Variants in FGF5 observed in about 807,000 individuals in gnomAD.
The protein encoded by FGF5 is fibroblast growth factor 5.
FGF5 carries 23 observed loss-of-function variants against 21.8 expected under a neutral mutation model. The observed-to-expected ratio is 1.05, with a 90% CI of 0.76 to 1.49. The LOEUF is 1.49. FGF5 is among the 40% of genes most tolerant of loss of function. FGF5 has a pLI of 0.00. For missense variants in FGF5, 352 were observed against 332.9 expected (o/e 1.06, Z -0.45); for synonymous variants, 158 against 124.0 (o/e 1.27, Z -1.82).
At chr4:80,276,397 G>T (rs1049843235) in intron 2 of FGF5, among the ~76,000 whole-genome samples, 2 of 152,096 alleles carry the variant, frequency 1.3e-5, no homozygotes, top group Non-Finnish European at 2.9e-5. Context: ...GCAAGATGTA[G>T]TATAATATTC....
At chr4:80,270,579 A>T (rs932859958) in intron 1 of FGF5, among the ~76,000 whole-genome samples, 27 of 152,218 alleles carry the variant, frequency 1.8e-4, no homozygotes, top group African/African-American at 5.1e-4. Context: ...AATACTGTGG[A>T]AAAATGAAGA....
In FGF5 at chr4:80,274,919, A is replaced by T; in HGVS notation, c.366A>T (p.Glu122Asp). 1 of 1,543,878 alleles carries T rather than the reference A, an allele frequency of 6.5e-7. No individual in the cohort carries two copies. Among genetic ancestry groups the T allele is most frequent in the East Asian group, 2.3e-5 (1 of 43,944 alleles). Reference sequence around the variant, plus strand: ...TTTCTGTCATCCTAGGTGTTTTGGAAATATTTGCTGTGTCTCAGGGGATTG... The same window carrying T: ...TTTCTGTCATCCTAGGTGTTTTGGATATATTTGCTGTGTCTCAGGGGATTG... Reference protein sequence around the residue: ...SHEANMLSVLEIFAVSQGIVG... With the variant: ...SHEANMLSVLDIFAVSQGIVG... Residue 122 changes from glutamate (E) to aspartate (D), a missense_variant, in exon 2 of 3, where the codon GAA (glutamate) becomes GAT (aspartate). By Grantham distance (45) the Glu-to-Asp change is conservative. Coordinates refer to ENST00000312465, the MANE Select transcript of FGF5 (RefSeq NM_004464.4).
At chr4:80,275,219 C>T (rs1484366559) in intron 2 of FGF5, among the ~76,000 whole-genome samples, 1 of 151,880 alleles carries the variant, frequency 6.6e-6, no homozygotes, top group Non-Finnish European at 1.5e-5. Flanking sequence ...ATTACAGAGT[C>T]TACAAAAAGT....
At chr4:80,285,885 T>C (rs982804) in intron 2 of FGF5, among the ~76,000 whole-genome samples, 89,040 of 152,100 alleles carry the variant, frequency 0.59, 29,161 homozygotes, top group African/African-American at 0.88. Flanking sequence ...AATTTTGACC[T>C]CATTTCTGTG....
chr4:80,267,007 C>G lies in FGF5; in HGVS notation c.183C>G (p.Ser61=), dbSNP rs373927639. The change falls in exon 1 of 3, where the codon TCC becomes TCG. Residue 61 remains serine, a synonymous_variant. Coordinates refer to ENST00000312465, the MANE Select transcript of FGF5 (RefSeq NM_004464.4). ...SSAMSSSSAS[S]SPAASLGSQG... ...CTATGTCTTCCTCTTCTGCCTCCTC[C>G]TCCCCCGCAGCTTCTCTGGGCAGCC... The G allele has an allele frequency of 2.2e-5, 36 of 1,614,122 alleles. No homozygotes were observed. Among genetic ancestry groups the G allele is most frequent in the Non-Finnish European group, 3.0e-5 (35 of 1,180,052 alleles).
intron 1 of FGF5, among the ~76,000 whole-genome samples, chr4:80,269,604 C>A (rs1720211351): frequency 6.6e-6 from 1 of 152,162 alleles, no homozygotes; most frequent in Admixed American, 6.5e-5. Flanking sequence ...ACAGTGCCGA[C>A]AAAAAGCTTA....
intron 2 of FGF5, among the ~76,000 whole-genome samples, chr4:80,277,046 T>C (rs903665782): frequency 1.3e-5 from 2 of 152,056 alleles, no homozygotes; most frequent in Non-Finnish European, 2.9e-5. Context: ...GAAAGTAACA[T>C]ATTACAAATG....
chr4:80,273,653 G>T (rs1208152765), intron 1 of FGF5, among the ~76,000 whole-genome samples: 1 of 152,052 alleles, frequency 6.6e-6, no homozygotes, highest in East Asian at 1.9e-4. Context: ...TGGAAATATT[G>T]AGATGTTCTT....
At chr4:80,278,381 C>T (rs1720472157) in intron 2 of FGF5, among the ~76,000 whole-genome samples, 1 of 151,996 alleles carries the variant, frequency 6.6e-6, no homozygotes, top group Admixed American at 6.6e-5. Flanking sequence ...GGTGTTTCCC[C>T]CATCTACTCC....
intron 1 of FGF5, among the ~76,000 whole-genome samples, chr4:80,270,548 T>C (rs566678848): frequency 6.6e-6 from 1 of 152,354 alleles, no homozygotes; most frequent in East Asian, 1.9e-4. Context: ...GCTCATTGTA[T>C]ATAAATCCTT....
chr4:80,277,062 C>T (rs1157039774), intron 2 of FGF5, among the ~76,000 whole-genome samples: 2 of 151,934 alleles, frequency 1.3e-5, no homozygotes, highest in Non-Finnish European at 2.9e-5. Flanking sequence ...AAATGGAAGC[C>T]AATTAGAAAG....
At chr4:80,268,024 T>C (rs2109915531) in intron 1 of FGF5, among the ~76,000 whole-genome samples, 1 of 152,270 alleles carries the variant, frequency 6.6e-6, no homozygotes, top group South Asian at 2.1e-4. Flanking sequence ...GAGGTTAAAT[T>C]TGGTAGGGGT....
At position 80,289,861 on chromosome 4, in the gene FGF5, A is replaced by G. The variant is rs1218317071; in HGVS notation, c.*3189A>G. 2.0e-5 allele frequency: 3 copies of G among 152,174 alleles called. No individual in the cohort carries two copies. The highest frequency in any genetic ancestry group is 7.2e-5 in the African/African-American group (3 of 41,468). 9.4% of individuals were successfully genotyped at this position (152,174 alleles called of 1,614,324 possible). On this transcript the variant is annotated 3_prime_UTR_variant, in exon 3 of 3. Coordinates refer to ENST00000312465, the MANE Select transcript of FGF5 (RefSeq NM_004464.4). ...CCAAGTTTGTGTATATATTATAAAA[A>G]TTACATATATAAAACTAAGGCTTTT...
At chr4:80,281,625 C>A (rs1177978534) in intron 2 of FGF5, among the ~76,000 whole-genome samples, 2 of 152,088 alleles carry the variant, frequency 1.3e-5, no homozygotes, top group Non-Finnish European at 2.9e-5. Flanking sequence ...ATATTTAGTT[C>A]TGTAGTTGCA....
At chr4:80,266,626 C>G (rs1471340232), upstream of FGF5, 3 of 584,730 alleles carry the variant, frequency 5.1e-6, no homozygotes, top group Admixed American at 6.5e-5. Context: ...AGTGAGATCA[C>G]TGGCGTTATA....
At chr4:80,271,822 A>T (rs962005799) in intron 1 of FGF5, among the ~76,000 whole-genome samples, 10 of 152,168 alleles carry the variant, frequency 6.6e-5, no homozygotes, top group Non-Finnish European at 8.8e-5. Flanking sequence ...TACTGAAATT[A>T]AAAAAAATCA....
intron 2 of FGF5, among the ~76,000 whole-genome samples, chr4:80,279,750 C>T (rs547043462): frequency 6.6e-6 from 1 of 152,300 alleles, no homozygotes; most frequent in East Asian, 1.9e-4. Context: ...GCAGAAAGCT[C>T]ATTGCTAATT....
At position 80,286,479 on chromosome 4, in the gene FGF5, G is replaced by A. The variant is rs1489152100; in HGVS notation, c.614G>A (p.Arg205Gln). 6 of 1,613,948 alleles carry A rather than the reference G, an allele frequency of 3.7e-6. No homozygotes were observed. In the East Asian group the frequency reaches 8.9e-5, roughly 24 times the overall value. Residue 205 changes from arginine to glutamine, a missense_variant, in exon 3 of 3, where the codon CGG becomes CAG. By Grantham distance (43) the Arg-to-Gln change is conservative. Transcript: ENST00000312465. The stretch of plus-strand genomic sequence containing the variant: ...AAAGCCAAACGAGGGTGCAGCCCCC[G>A]GGTTAAACCCCAGCATATCTCTACC... ...RGKAKRGCSP[R>Q]VKPQHISTHF...
At chr4:80,270,826 G>A (rs28409611) in intron 1 of FGF5, among the ~76,000 whole-genome samples, 2,830 of 152,192 alleles carry the variant, frequency 0.019, 88 homozygotes, top group African/African-American at 0.063. Flanking sequence ...TAGAATCGTC[G>A]ATGTTACTGC....
Sources: gnomAD v4.1 joint callset for allele counts (sites outside exome capture counted in the v4.1 genomes callset) on GRCh38, gnomAD v4.1.1 for gene constraint, MANE v1.5 for transcripts, NCBI Gene and HGNC (gene_info 2026-07-23, HGNC 2026-07-21) for gene names.